SNRNP200: variants seen among roughly 807,000 people sequenced by gnomAD.
SNRNP200 encodes small nuclear ribonucleoprotein U5 subunit 200.
SNRNP200 carries 66 observed loss-of-function variants against 255.2 expected under a neutral mutation model. That is an observed-to-expected ratio of 0.26 (90% CI 0.21 to 0.32). The LOEUF (loss-of-function observed/expected upper bound fraction) is 0.32, where lower values mean the gene tolerates loss of function less well. SNRNP200 is among the 10% of genes least tolerant of loss of function. The pLI is 1.00. For missense variants in SNRNP200, 1,585 were observed against 2,749.8 expected (o/e 0.58, Z 9.47); for synonymous variants, 939 against 1,027.8 (o/e 0.91, Z 1.65).
chr2:96,280,632 C>T (rs536289956), intron 35 of SNRNP200, among the ~76,000 whole-genome samples: 11 of 152,132 alleles, frequency 7.2e-5, no homozygotes, highest in Non-Finnish European at 1.3e-4. Flanking sequence ...TCACTGCAAC[C>T]TCCGCCTCCT....
Position 96,284,405 on chromosome 2 carries a change from T to G in SNRNP200, c.4345A>C (p.Asn1449His). 6.2e-7 allele frequency: 1 copy of G among 1,614,126 alleles called. No individual in the cohort carries two copies. Among genetic ancestry groups the G allele is most frequent in the Non-Finnish European group, 8.5e-7 (1 of 1,180,012 alleles). ...TGGACCTCATCCACCACGAAGAGGTTGATGTTCTGCACGTTCTTGCGCTGC... is the reference window on the plus strand; with the variant it reads ...TGGACCTCATCCACCACGAAGAGGTGGATGTTCTGCACGTTCTTGCGCTGC... The part of the protein sequence containing the change: ...WKQRKNVQNI[N>H]LFVVDEVHLI... Residue 1449 changes from asparagine to histidine, a missense_variant, in exon 31 of 45, where the codon AAC becomes CAC. Physicochemically the swap from Asn to His is moderately conservative, Grantham distance 68 (BLOSUM62 1). Around this residue, in one of 9 missense-constraint regions of SNRNP200, gnomAD observed 719 missense variants for 1,091.1 expected, o/e 0.66. Coordinates refer to ENST00000323853, the MANE Select transcript of SNRNP200 (RefSeq NM_014014.5).
Position 96,278,031 on chromosome 2 carries a change from C to A in SNRNP200, c.5611-81G>T. The A allele has an allele frequency of 6.3e-7, 1 of 1,590,592 alleles. No homozygotes were observed. The highest frequency in any genetic ancestry group is 8.6e-7 in the Non-Finnish European group (1 of 1,159,530). On this transcript the variant is annotated intron_variant, in intron 39 of 44. Transcript: ENST00000323853. This position sits in a 1 kb window ranked among gnomAD's most constrained non-coding sequence, Gnocchi z 6.9. ...GCTCAGGCCAAAGCACCACGTGGCC[C>A]AGGCTCACACAGCCCTTCAACACCC... is the stretch of plus-strand genomic sequence containing the variant.
Position 96,295,655 on chromosome 2 carries a change from G to A in SNRNP200, c.1675C>T (p.Leu559=), listed in dbSNP as rs1042433547. ...QEMVGSFGKR[L]ATYGITVAEL... is the part of the protein sequence containing the mutation. ...GCAACAGTGATGCCATAAGTGGCCA[G>A]GCGCTGTGGGAGGAAAACTACATCA... Residue 559 remains leucine (L), a synonymous_variant, in exon 14 of 45, where the codon CTG becomes TTG. Coordinates refer to ENST00000323853, the MANE Select transcript of SNRNP200 (RefSeq NM_014014.5). 1.2e-6 allele frequency: 2 copies of A among 1,613,466 alleles called. No homozygotes were observed. Among genetic ancestry groups the A allele is most frequent in the African/African-American group, 2.7e-5 (2 of 74,912 alleles).
Position 96,283,599 on chromosome 2 carries a change from T to G in SNRNP200, c.4699A>C (p.Lys1567Gln). ...TCAATGGCAGTGAGGCGGGTCTGCT[T>G]GCGAGACGGCACAAAGACAATGACA... ...KPVIVFVPSR[K>Q]QTRLTAIDIL... Residue 1567 changes from lysine to glutamine, a missense_variant, in exon 33 of 45, where the codon AAG becomes CAG. Coordinates refer to ENST00000323853, the MANE Select transcript of SNRNP200 (RefSeq NM_014014.5). The surrounding 1 kb of genome is among the most constrained non-coding windows in gnomAD (Gnocchi z 4.7). 2 of 1,614,072 alleles carry G rather than the reference T, an allele frequency of 1.2e-6. No homozygotes were observed. Among genetic ancestry groups the G allele is most frequent in the Non-Finnish European group, 1.7e-6 (2 of 1,180,028 alleles).
At position 96,278,617 on chromosome 2, in the gene SNRNP200, G is replaced by C; in HGVS notation, c.5418C>G (p.Asp1806Glu). The change falls in exon 38 of 45, where the codon GAC becomes GAG. Residue 1806 changes from aspartate to glutamate, a missense_variant. Physicochemically the swap from Asp to Glu is conservative, Grantham distance 45. Coordinates refer to ENST00000323853, the MANE Select transcript of SNRNP200 (RefSeq NM_014014.5). The surrounding 1 kb of genome is among the most constrained non-coding windows in gnomAD (Gnocchi z 6.9). ...LEQSKCISIE[D>E]EMDVAPLNLG... ...GGTTCAGAGGCGCCACGTCCATCTC[G>C]TCCTCGATGCTGATGCACTTGGACT... is the stretch of plus-strand genomic sequence containing the variant. 1 of 1,614,224 alleles carries C rather than the reference G, an allele frequency of 6.2e-7. No homozygotes were observed. Among genetic ancestry groups the C allele is most frequent in the East Asian group, 2.2e-5 (1 of 44,890 alleles).
chr2:96,294,704 T>C (rs1177234759), intron 14 of SNRNP200, among the ~76,000 whole-genome samples: 1 of 152,208 alleles, frequency 6.6e-6, no homozygotes, highest in African/African-American at 2.4e-5. Flanking sequence ...TCTCTGGAAG[T>C]TTCTGTGTAT....
Position 96,287,177 on chromosome 2 carries a change from G to A in SNRNP200, c.3485-17C>T, listed in dbSNP as rs1418262439. ...TAAGCTCCCCTACAAGGAAATGAGA[G>A]TACTGAGGCTGCAGCCCAGCCTGCC... On this transcript the variant is annotated splice_polypyrimidine_tract_variant and intron_variant, in intron 26 of 44. Coordinates refer to ENST00000323853, the MANE Select transcript of SNRNP200 (RefSeq NM_014014.5). The surrounding 1 kb of genome is among the most constrained non-coding windows in gnomAD (Gnocchi z 5.7). The A allele has an allele frequency of 4.3e-6, 7 of 1,614,056 alleles. No individual in the cohort carries two copies. Among genetic ancestry groups the A allele is most frequent in the South Asian group, 1.1e-5 (1 of 91,080 alleles).
At chr2:96,300,055 C>G (rs1302924091) in intron 5 of SNRNP200, among the ~76,000 whole-genome samples, 1 of 152,194 alleles carries the variant, frequency 6.6e-6, no homozygotes, top group Non-Finnish European at 1.5e-5. Context: ...ATACAGGACT[C>G]AAACTCAGAA....
chr2:96,297,302 T>C (rs2063922962), intron 11 of SNRNP200, 61 bp downstream of exon 11: 1 of 1,603,724 alleles, frequency 6.2e-7, no homozygotes, highest in African/African-American at 1.3e-5. Flanking sequence ...TTTTGGTCAA[T>C]GGTTGAAATC....
At chr2:96,294,191 T>C (rs535737355) in intron 14 of SNRNP200, among the ~76,000 whole-genome samples, 1 of 150,262 alleles carries the variant, frequency 6.7e-6, no homozygotes, top group Non-Finnish European at 1.5e-5. Flanking sequence ...CCCAGCACTT[T>C]GGGAGGCTGA....
chr2:96,277,125 A>G lies in SNRNP200; in HGVS notation c.6048T>C (p.Asn2016=), dbSNP rs1311498767. ...DVARFCNRYP[N]IELSYEVVDK... The stretch of plus-strand genomic sequence containing the variant: ...CTACCACCTCATAAGATAGTTCGAT[A>G]TTAGGGTAGCGGTTACAAAAGCGAG... Residue 2016 remains asparagine, a synonymous_variant, in exon 42 of 45, where the codon AAT becomes AAC. Coordinates refer to ENST00000323853, the MANE Select transcript of SNRNP200 (RefSeq NM_014014.5). This position sits in a 1 kb window ranked among gnomAD's most constrained non-coding sequence, Gnocchi z 4.4. 1 of 1,614,210 alleles carries G rather than the reference A, an allele frequency of 6.2e-7. No individual in the cohort carries two copies. The highest frequency in any genetic ancestry group is 8.5e-7 in the Non-Finnish European group (1 of 1,180,040).
chr2:96,287,843 C>T lies in SNRNP200; in HGVS notation c.3365+20G>A. 6.2e-7 allele frequency: 1 copy of T among 1,607,924 alleles called. No homozygotes were observed. On this transcript the variant is annotated intron_variant, in intron 25 of 44. Coordinates refer to ENST00000323853, the MANE Select transcript of SNRNP200 (RefSeq NM_014014.5). This position sits in a 1 kb window ranked among gnomAD's most constrained non-coding sequence, Gnocchi z 5.7. ...GACCCCCACTCATGGTGACCAGCAT[C>T]CAGCTCACTGGGTCCTTACATGCGT...
At chr2:96,300,855 A>G (rs1488093332) in intron 5 of SNRNP200, 143 bp downstream of exon 5, 3 of 699,758 alleles carry the variant, frequency 4.3e-6, no homozygotes, top group South Asian at 1.6e-5. Flanking sequence ...AAGCAAAAGA[A>G]CATATAATGC....
intron 1 of SNRNP200, 41 bp downstream of exon 1, chr2:96,305,352 G>C (rs766169554): frequency 5.0e-6 from 8 of 1,612,958 alleles, no homozygotes; most frequent in South Asian, 2.2e-5. Context: ...CCTCCCCATT[G>C]GACTCCTGAG....
Position 96,278,055 on chromosome 2 carries a change from C to A in SNRNP200, c.5611-105G>T. ...CCAGGCTCACACAGCCCTTCAACACCCTGAGGCATGTGGGTGGTAATGGGA... is the reference window on the plus strand; with the variant it reads ...CCAGGCTCACACAGCCCTTCAACACACTGAGGCATGTGGGTGGTAATGGGA... On this transcript the variant is annotated intron_variant, in intron 39 of 44. Coordinates refer to ENST00000323853, the MANE Select transcript of SNRNP200 (RefSeq NM_014014.5). This position sits in a 1 kb window ranked among gnomAD's most constrained non-coding sequence, Gnocchi z 6.9. The A allele has an allele frequency of 6.4e-7, 1 of 1,559,634 alleles. No individual in the cohort carries two copies. Among genetic ancestry groups the A allele is most frequent in the Non-Finnish European group, 8.8e-7 (1 of 1,132,266 alleles).
rs200594034 is a variant in SNRNP200, at chr2:96,283,564, G to A, written c.4734C>T (p.Thr1578=). The A allele has an allele frequency of 3.1e-6, 5 of 1,614,138 alleles. No homozygotes were observed. Among genetic ancestry groups the A allele is most frequent in the South Asian group, 2.2e-5 (2 of 91,082 alleles). Residue 1578 remains threonine (T), a synonymous_variant, in exon 33 of 45, where the codon ACC becomes ACT. Coordinates refer to ENST00000323853, the MANE Select transcript of SNRNP200 (RefSeq NM_014014.5). The surrounding 1 kb of genome is among the most constrained non-coding windows in gnomAD (Gnocchi z 4.7). The part of the protein sequence containing the change: ...QTRLTAIDIL[T]TCAADIQRQR... ...GCCGTTGGATGTCTGCTGCACAGGT[G>A]GTGAGGATGTCAATGGCAGTGAGGC...
At chr2:96,293,921 A>C (rs2063900100) in intron 14 of SNRNP200, among the ~76,000 whole-genome samples, 2 of 152,130 alleles carry the variant, frequency 1.3e-5, no homozygotes, top group African/African-American at 4.8e-5. Flanking sequence ...GTGCATCTCA[A>C]ATTTTATTAA....
Position 96,290,540 on chromosome 2 carries a change from A to C in SNRNP200, c.2554-26T>G, listed in dbSNP as rs2063877748. 1 of 1,613,982 alleles carries C rather than the reference A, an allele frequency of 6.2e-7. No homozygotes were observed. Among genetic ancestry groups the C allele is most frequent in the African/African-American group, 1.3e-5 (1 of 74,922 alleles). On this transcript the variant is annotated intron_variant, in intron 19 of 44. Coordinates refer to ENST00000323853, the MANE Select transcript of SNRNP200 (RefSeq NM_014014.5). This position sits in a 1 kb window ranked among gnomAD's most constrained non-coding sequence, Gnocchi z 4.5. ...CTAGATCAGAGACAGCGAACCAAGA[A>C]TGCTATGTCAAGAGAATGTCTGAAT...
Position 96,303,238 on chromosome 2 carries a change from A to C in SNRNP200, c.302T>G (p.Ile101Ser), listed in dbSNP as rs761107972. The part of the protein sequence containing the change: ...SEGIDEMVGI[I>S]YKPKTKETRE... ...AGTCTCTTTAGTTTTGGGCTTGTAG[A>C]TGATGCCCACCATCTCATCAATGCC... is the stretch of plus-strand genomic sequence containing the variant. Residue 101 changes from isoleucine to serine, a missense_variant, in exon 3 of 45, where the codon ATC (isoleucine) becomes AGC (serine). This residue lies in a region of SNRNP200 where 383 missense variants were observed against 645.3 expected (regional missense o/e 0.59). Transcript: ENST00000323853. 6.2e-7 allele frequency: 1 copy of C among 1,614,210 alleles called. No homozygotes were observed. The highest frequency in any genetic ancestry group is 8.5e-7 in the Non-Finnish European group (1 of 1,180,022).
Sources: allele counts gnomAD v4.1 joint callset (sites outside exome capture counted in the v4.1 genomes callset), GRCh38; gene constraint gnomAD v4.1.1; regional missense constraint gnomAD v4.1.1; non-coding constraint Gnocchi (gnomAD v3.1); transcripts MANE v1.5; gene names NCBI Gene and HGNC (gene_info 2026-07-23, HGNC 2026-07-21).